Variants in KCNN2 observed in about 807,000 individuals in gnomAD.
KCNN2 encodes potassium calcium-activated channel subfamily N member 2.
KCNN2 carries 24 observed loss-of-function variants against 55.5 expected under a neutral mutation model. The ratio of observed to expected loss-of-function variants is 0.43; its 90% CI spans 0.31 to 0.61. KCNN2 has a LOEUF of 0.61. KCNN2 is among the 20% of genes least tolerant of loss of function. The pLI is 0.08. For synonymous variants in KCNN2, 431 were observed against 336.1 expected (o/e 1.28, Z -3.09); for missense variants, 754 against 853.6 (o/e 0.88, Z 1.45).
rs886516361 is a variant in KCNN2 at position 114,482,800 on chromosome 5, C to G, written c.1891-4250C>G. 1.2e-4 allele frequency among the ~76,000 whole-genome samples: 19 copies of G among 152,276 alleles called. No homozygotes were observed. The South Asian group carries it at 3.9e-3, about 32-fold the overall frequency. ...AACAGAAAATCAAACACTACATGTT[C>G]TGACTTATAAGTGACAGCTGAATGA... On this transcript the variant is annotated intron_variant, in intron 5 of 7. Transcript: ENST00000673685.
At chr5:114,353,683 G>T (rs985333161) in intron 2 of KCNN2, among the ~76,000 whole-genome samples, 2 of 151,878 alleles carry the variant, frequency 1.3e-5, no homozygotes, top group South Asian at 2.1e-4. Context: ...GAAACTATTT[G>T]TCTTCATGTT....
At chr5:114,486,994 G>T in intron 5 of KCNN2, 56 bp from the exon 6 acceptor site, 3 of 1,602,006 alleles carry the variant, frequency 1.9e-6, no homozygotes, top group South Asian at 1.1e-5. Context: ...CCCCAGCAAA[G>T]TTACAAAGGA....
chr5:114,162,756 G>C (rs1332890103), intron 1 of KCNN2, among the ~76,000 whole-genome samples: 3 of 152,112 alleles, frequency 2.0e-5, no homozygotes, highest in African/African-American at 2.4e-5. Flanking sequence ...TCAGTCTGCT[G>C]TGCTAGCAAT....
chr5:114,379,562 A>G (rs1561596455), intron 2 of KCNN2, among the ~76,000 whole-genome samples: 1 of 85,684 alleles, frequency 1.2e-5, no homozygotes, highest in Non-Finnish European at 2.1e-5. Context: ...ATTATATAAC[A>G]TATTATATAT....
At chr5:114,361,461 G>A (rs1428562103), upstream of KCNN2, among the ~76,000 whole-genome samples, 1 of 152,230 alleles carries the variant, frequency 6.6e-6, no homozygotes, top group Non-Finnish European at 1.5e-5. Flanking sequence ...CACTGGCGCA[G>A]CCGGTCGCCA....
At position 114,393,753 on chromosome 5, in the gene KCNN2, T is replaced by C. The variant is rs1243474267; in HGVS notation, c.1219-10685T>C. Among the ~76,000 whole-genome samples, 3 of 150,032 alleles carry C rather than the reference T, an allele frequency of 2.0e-5. No individual in the cohort carries two copies. The East Asian group carries it at 5.8e-4, about 29-fold the overall frequency. Reference sequence around the variant, plus strand: ...TATACCATCTCCCCTTTAACAAATCTGCACAAATAATAGCATGTACTTTGC... The same window carrying C: ...TATACCATCTCCCCTTTAACAAATCCGCACAAATAATAGCATGTACTTTGC... On this transcript the variant is annotated intron_variant, in intron 2 of 7. Coordinates refer to ENST00000673685, the MANE Select transcript of KCNN2 (RefSeq NM_021614.4).
At chr5:114,248,909 C>T (rs1754802795) in intron 2 of KCNN2, among the ~76,000 whole-genome samples, 1 of 152,112 alleles carries the variant, frequency 6.6e-6, no homozygotes. Flanking sequence ...CAAACTGGAA[C>T]TCTTGAGGGT....
At chr5:114,434,680 C>G (rs1759940075) in intron 3 of KCNN2, among the ~76,000 whole-genome samples, 1 of 152,174 alleles carries the variant, frequency 6.6e-6, no homozygotes, top group African/African-American at 2.4e-5. Context: ...GTGATTAGTT[C>G]TCAGTCGTTT....
chr5:114,448,652 A>G lies in KCNN2; in HGVS notation c.1638-14397A>G, dbSNP rs964335592. Among the ~76,000 whole-genome samples, 3 of 152,190 alleles carry G rather than the reference A, an allele frequency of 2.0e-5. No individual in the cohort carries two copies. In the East Asian group the frequency reaches 5.8e-4, roughly 29 times the overall value. ...CTCAGCTCGCTGGGTTTGGTGGCTCAGTTTTCTGACTCTGCTTCTTATCTC... is the reference window on the plus strand; with the variant it reads ...CTCAGCTCGCTGGGTTTGGTGGCTCGGTTTTCTGACTCTGCTTCTTATCTC... On this transcript the variant is annotated intron_variant, in intron 3 of 7. Transcript: ENST00000673685.
chr5:114,159,232 A>T (rs1430699546), intron 1 of KCNN2, among the ~76,000 whole-genome samples: 1 of 152,124 alleles, frequency 6.6e-6, no homozygotes. Flanking sequence ...AATTTTGTCA[A>T]AGGCCTTTTC....
At chr5:114,324,120 AT>A (rs913594830) in intron 2 of KCNN2, among the ~76,000 whole-genome samples, 20 of 152,244 alleles carry the variant, frequency 1.3e-4, no homozygotes, top group Non-Finnish European at 2.1e-4. Flanking sequence ...TAATTTGACC[AT>A]TTTTTTGTCA....
chr5:114,127,694 A>C (rs1751967965), intron 1 of KCNN2, among the ~76,000 whole-genome samples: 2 of 152,090 alleles, frequency 1.3e-5, no homozygotes, highest in Non-Finnish European at 2.9e-5. Flanking sequence ...GCTGATTTGA[A>C]TTTCTCCCCA....
At chr5:114,105,567 T>A (rs1248851100) in intron 1 of KCNN2, among the ~76,000 whole-genome samples, 2 of 152,094 alleles carry the variant, frequency 1.3e-5, no homozygotes, top group African/African-American at 2.4e-5. Flanking sequence ...TTTATAACAA[T>A]GTGTATACAA....
intron 2 of KCNN2, among the ~76,000 whole-genome samples, chr5:114,238,289 G>A (rs757965578): frequency 2.0e-5 from 3 of 152,068 alleles, no homozygotes; most frequent in Non-Finnish European, 2.9e-5. Context: ...TTTCCATGAA[G>A]ACCTCTAATT....
At chr5:114,442,045 C>A (rs770037615) in intron 3 of KCNN2, among the ~76,000 whole-genome samples, 3 of 152,046 alleles carry the variant, frequency 2.0e-5, no homozygotes, top group Non-Finnish European at 4.4e-5. Context: ...ATTTCTCAAA[C>A]ACAAATTAAA....
At chr5:114,447,322 G>A (rs1053041690) in intron 3 of KCNN2, among the ~76,000 whole-genome samples, 2 of 152,234 alleles carry the variant, frequency 1.3e-5, no homozygotes, top group Non-Finnish European at 2.9e-5. Context: ...TCACTGCACT[G>A]AGAACTGAAT....
intron 2 of KCNN2, among the ~76,000 whole-genome samples, chr5:114,342,969 A>G (rs1488684764): frequency 2.6e-5 from 4 of 152,184 alleles, no homozygotes; most frequent in Non-Finnish European, 4.4e-5. Flanking sequence ...TCTTAAGCCC[A>G]GCATCCATTA....
At chr5:114,445,555 T>C (rs1436089644) in intron 3 of KCNN2, among the ~76,000 whole-genome samples, 3 of 152,230 alleles carry the variant, frequency 2.0e-5, no homozygotes, top group Non-Finnish European at 4.4e-5. Context: ...GCTAAGTAGC[T>C]ACACAAATAG....
chr5:114,135,198 T>G (rs1443648863), intron 1 of KCNN2, among the ~76,000 whole-genome samples: 1 of 151,988 alleles, frequency 6.6e-6, no homozygotes, highest in Non-Finnish European at 1.5e-5. Flanking sequence ...CAGGAATTGT[T>G]AACCTTAGAT....
Sources: allele counts gnomAD v4.1 joint callset (sites outside exome capture counted in the v4.1 genomes callset), GRCh38; gene constraint gnomAD v4.1.1; transcripts MANE v1.5; gene names NCBI Gene and HGNC (gene_info 2026-07-23, HGNC 2026-07-21).